Variants in PPP2R1B observed in about 807,000 individuals in gnomAD.
PPP2R1B encodes the protein protein phosphatase 2 scaffold subunit Abeta, also known as serine/threonine-protein phosphatase 2A 65 kDa regulatory subunit A beta isoform.
PPP2R1B carries 58 observed loss-of-function variants against 72.7 expected under a neutral mutation model. That is an observed-to-expected ratio of 0.80 (90% CI 0.65 to 0.99). The LOEUF is 0.99. PPP2R1B is among the 50% of genes least tolerant of loss of function. The pLI is 0.00. For missense variants in PPP2R1B, 695 were observed against 733.6 expected (o/e 0.95, Z 0.61); for synonymous variants, 256 against 264.6 (o/e 0.97, Z 0.32).
intron 15 of PPP2R1B, chr11:111,729,453 A>C (rs1277877053): frequency 6.6e-6 from 1 of 152,186 alleles, no homozygotes; most frequent in Non-Finnish European, 1.5e-5. Flanking sequence ...AGCTGGGGAG[A>C]TACTGTCCTT....
chr11:111,750,413 C>T (rs1201250553), intron 10 of PPP2R1B, among the ~76,000 whole-genome samples: 6 of 152,004 alleles, frequency 3.9e-5, no homozygotes, highest in Non-Finnish European at 8.8e-5. Context: ...CTCAGGAGGC[C>T]GAGGCAGGAG....
chr11:111,715,215 G>A, the PPP2R1B span, among the ~76,000 whole-genome samples: 5 of 152,174 alleles, frequency 3.3e-5, no homozygotes, highest in Non-Finnish European at 5.9e-5. Flanking sequence ...GACATCCTCC[G>A]GGCTTCTTTG....
the PPP2R1B span, among the ~76,000 whole-genome samples, chr11:111,702,897 A>G: frequency 7.5e-6 from 1 of 133,888 alleles, no homozygotes; most frequent in African/African-American, 2.8e-5. Context: ...AATGAGGCTT[A>G]TTTCTTTCCT....
downstream of PPP2R1B, among the ~76,000 whole-genome samples, chr11:111,735,866 GATCA>G (rs1309606622): frequency 4.6e-5 from 7 of 152,342 alleles, no homozygotes; most frequent in African/African-American, 1.7e-4. Context: ...TGACTTCCTG[GATCA>G]CTCACTTGGC....
At chr11:111,727,953 TATC>T (rs759392421) in intron 15 of PPP2R1B, 1 of 152,264 alleles carries the variant, frequency 6.6e-6, no homozygotes, top group South Asian at 2.1e-4. Flanking sequence ...TTAAAACCTG[TATC>T]AACAGTCACA....
chr11:111,726,916 AAT>A (rs753097693), exon 16 of PPP2R1B: 65 of 1,582,434 alleles, frequency 4.1e-5, no homozygotes, highest in Non-Finnish European at 5.6e-5. Flanking sequence ...CAAAAAGTGC[AAT>A]ATGTGTGGTA....
At chr11:111,709,154 C>G in the PPP2R1B span, among the ~76,000 whole-genome samples, 1 of 152,192 alleles carries the variant, frequency 6.6e-6, no homozygotes, top group Non-Finnish European at 1.5e-5. Flanking sequence ...GGGTTGCTAC[C>G]TGGTGAGGCC....
At chr11:111,692,511 C>A in the PPP2R1B span, among the ~76,000 whole-genome samples, 1 of 151,750 alleles carries the variant, frequency 6.6e-6, no homozygotes, top group Non-Finnish European at 1.5e-5. Context: ...AAGGAAACTG[C>A]AGGTATTAGC....
chr11:111,732,669 C>G (rs751353685), intron 15 of PPP2R1B, among the ~76,000 whole-genome samples: 1 of 152,164 alleles, frequency 6.6e-6, no homozygotes, highest in Admixed American at 6.5e-5. Flanking sequence ...CCAGCCTGAG[C>G]GACACAGCAA....
downstream of PPP2R1B, among the ~76,000 whole-genome samples, chr11:111,734,238 C>G (rs1320320930): frequency 6.6e-6 from 1 of 152,212 alleles, no homozygotes; most frequent in Non-Finnish European, 1.5e-5. Context: ...CTGCTTCTTG[C>G]CTGTGAGCTC....
At chr11:111,724,078 A>G, downstream of PPP2R1B, 1 of 1,613,630 alleles carries the variant, frequency 6.2e-7, no homozygotes, top group Non-Finnish European at 8.5e-7. Flanking sequence ...TTGATTGTGA[A>G]ATGCTAGACG....
At position 111,738,553 on chromosome 11, in the gene PPP2R1B, G is replaced by T; in HGVS notation, c.*3043C>A. On this transcript the variant is annotated 3_prime_UTR_variant, in exon 15 of 15. Coordinates refer to ENST00000527614, the MANE Select transcript of PPP2R1B (RefSeq NM_002716.5). The stretch of plus-strand genomic sequence containing the variant: ...AATGCCTGGACAAGCCAGCTCAAAG[G>T]TCAGGCTGCCGTCTCTGTTGAGTCA... 3 of 985,492 alleles carry T rather than the reference G, an allele frequency of 3.0e-6. No homozygotes were observed. Among genetic ancestry groups the T allele is most frequent in the Non-Finnish European group, 3.6e-6 (3 of 829,962 alleles). The allele number at this position is 985,492 out of a possible 1,614,324, so 61.0% of individuals were successfully genotyped here.
At position 111,738,649 on chromosome 11, in the gene PPP2R1B, T is replaced by G; in HGVS notation, c.*2947A>C. 1 of 985,468 alleles carries G rather than the reference T, an allele frequency of 1.0e-6. No homozygotes were observed. 61.0% of individuals were successfully genotyped at this position (985,468 alleles called of 1,614,324 possible). ...GCTGAGCTGTGGTATTTCTGTGAGC[T>G]GAGGGCAGCCCGTTATTTCAACAAG... On this transcript the variant is annotated 3_prime_UTR_variant, in exon 15 of 15. Coordinates refer to ENST00000527614, the MANE Select transcript of PPP2R1B (RefSeq NM_002716.5).
At chr11:111,703,266 A>T in the PPP2R1B span, 1 of 1,614,226 alleles carries the variant, frequency 6.2e-7, no homozygotes, top group Non-Finnish European at 8.5e-7. Flanking sequence ...ACCATAGCCC[A>T]AATCAAGGAG....
Position 111,752,221 on chromosome 11 carries a change from C to G in PPP2R1B, c.1276G>C (p.Asp426His), listed in dbSNP as rs1555048181. 1 of 1,614,162 alleles carries G rather than the reference C, an allele frequency of 6.2e-7. No homozygotes were observed. Among genetic ancestry groups the G allele is most frequent in the East Asian group, 2.2e-5 (1 of 44,880 alleles). The change falls in exon 10 of 15, where the codon GAT becomes CAT. Residue 426 changes from aspartate to histidine, a missense_variant. Coordinates refer to ENST00000527614, the MANE Select transcript of PPP2R1B (RefSeq NM_002716.5). ...LLPAIVELAE[D>H]AKWRVRLAII... ...GCCAGGCGGACCCTCCATTTGGCAT[C>G]TTCTGCCAGCTCCACTATGGCAGGA...
chr11:111,733,206 C>T (rs189122635), downstream of PPP2R1B, among the ~76,000 whole-genome samples: 2 of 152,118 alleles, frequency 1.3e-5, no homozygotes, highest in African/African-American at 2.4e-5. Context: ...TCCCTTTGTC[C>T]GTGTTTCTGG....
At chr11:111,764,658 T>G (rs2136120305) in intron 3 of PPP2R1B, 147 bp downstream of exon 3, 1 of 759,958 alleles carries the variant, frequency 1.3e-6, no homozygotes, top group Admixed American at 2.9e-5. Flanking sequence ...GTGCCTACAG[T>G]ACTTATTCTC....
the PPP2R1B span, chr11:111,703,500 C>A: frequency 7.6e-7 from 1 of 1,312,872 alleles, no homozygotes; most frequent in Non-Finnish European, 1.1e-6. Context: ...TCATCCTGGT[C>A]TTTTAGCACA....
chr11:111,714,617 T>G, the PPP2R1B span, among the ~76,000 whole-genome samples: 1 of 152,080 alleles, frequency 6.6e-6, no homozygotes, highest in Non-Finnish European at 1.5e-5. Flanking sequence ...TAGGGAGAAG[T>G]CCAAACCAGT....
Sources: allele counts gnomAD v4.1 joint callset (sites outside exome capture counted in the v4.1 genomes callset), GRCh38; gene constraint gnomAD v4.1.1; transcripts MANE v1.5; gene names NCBI Gene and HGNC (gene_info 2026-07-23, HGNC 2026-07-21).